Variants in KCNN3 observed in about 807,000 individuals in gnomAD.
KCNN3 encodes small conductance calcium-activated potassium channel protein 3.
KCNN3 carries 16 observed loss-of-function variants against 62.9 expected under a neutral mutation model. The ratio of observed to expected loss-of-function variants is 0.25; its 90% CI spans 0.17 to 0.39. KCNN3 has a LOEUF of 0.39. KCNN3 is among the 10% of genes least tolerant of loss of function. KCNN3 has a pLI of 1.00. For synonymous variants in KCNN3, 370 were observed against 389.2 expected (o/e 0.95, Z 0.58); for missense variants, 599 against 949.4 (o/e 0.63, Z 4.85).
At chr1:154,789,021 G>A (rs1372172972) in intron 2 of KCNN3, among the ~76,000 whole-genome samples, 2 of 152,162 alleles carry the variant, frequency 1.3e-5, no homozygotes, top group African/African-American at 4.8e-5. Context: ...AAACAACACA[G>A]ATTTATTATA....
chr1:154,781,258 T>C (rs1031393792), intron 2 of KCNN3, among the ~76,000 whole-genome samples: 2 of 152,214 alleles, frequency 1.3e-5, no homozygotes, highest in Non-Finnish European at 2.9e-5. Flanking sequence ...CACTATTTTT[T>C]ACTCACGTAG....
intron 3 of KCNN3, among the ~76,000 whole-genome samples, chr1:154,768,157 C>G (rs1408883686): frequency 6.6e-6 from 1 of 152,184 alleles, no homozygotes; most frequent in Non-Finnish European, 1.5e-5. Flanking sequence ...ATCATTAGAT[C>G]AGGCTGAGAG....
chr1:154,813,973 A>G (rs952793536), intron 2 of KCNN3, among the ~76,000 whole-genome samples: 1 of 152,248 alleles, frequency 6.6e-6, no homozygotes, highest in Non-Finnish European at 1.5e-5. Context: ...AAAATGTCAC[A>G]CAGAGACTGC....
chr1:154,794,975 G>A (rs1479437897), intron 2 of KCNN3, among the ~76,000 whole-genome samples: 1 of 152,176 alleles, frequency 6.6e-6, no homozygotes, highest in Non-Finnish European at 1.5e-5. Flanking sequence ...AATAAGGGGG[G>A]CTATTTCTTC....
intron 1 of KCNN3, among the ~76,000 whole-genome samples, chr1:154,854,681 G>T (rs1029367110): frequency 6.6e-6 from 1 of 152,142 alleles, no homozygotes; most frequent in Non-Finnish European, 1.5e-5. Flanking sequence ...CAATTATAAT[G>T]GAGCTGAAAA....
chr1:154,711,705 A>G (rs1700078322), intron 7 of KCNN3, among the ~76,000 whole-genome samples: 2 of 152,094 alleles, frequency 1.3e-5, no homozygotes, highest in African/African-American at 2.4e-5. Context: ...TTCCTGGCCA[A>G]TGCTGATTGG....
At chr1:154,866,356 A>G (rs990981011) in intron 1 of KCNN3, among the ~76,000 whole-genome samples, 2 of 152,170 alleles carry the variant, frequency 1.3e-5, no homozygotes, top group African/African-American at 4.8e-5. Flanking sequence ...CCATTTGTTG[A>G]GCAGGCAGAT....
intron 1 of KCNN3, among the ~76,000 whole-genome samples, chr1:154,855,089 G>T (rs369352540): frequency 6.6e-6 from 1 of 152,124 alleles, no homozygotes; most frequent in South Asian, 2.1e-4. Context: ...GTGATGGCAC[G>T]TGCCTATAAT....
intron 3 of KCNN3, among the ~76,000 whole-genome samples, chr1:154,741,023 A>C (rs12145386): frequency 0.17 from 26,086 of 152,120 alleles, 2,303 homozygotes; most frequent in South Asian, 0.24. Context: ...ATTAGCAGTT[A>C]TTTGGTTTTT....
chr1:154,841,961 C>T (rs1215896555), intron 1 of KCNN3, among the ~76,000 whole-genome samples: 4 of 152,142 alleles, frequency 2.6e-5, no homozygotes, highest in Non-Finnish European at 5.9e-5. Context: ...GAAACGCACG[C>T]GAGAGTGTAG....
chr1:154,803,521 A>G (rs1444070489), intron 2 of KCNN3, among the ~76,000 whole-genome samples: 2 of 152,244 alleles, frequency 1.3e-5, no homozygotes, highest in African/African-American at 4.8e-5. Context: ...TTCAAAACAC[A>G]AAAACTCACA....
chr1:154,866,494 C>T (rs1191496253), intron 1 of KCNN3, among the ~76,000 whole-genome samples: 2 of 152,098 alleles, frequency 1.3e-5, no homozygotes, highest in African/African-American at 2.4e-5. Flanking sequence ...CAACTCTGGC[C>T]CAGTTCCTTG....
Position 154,702,488 on chromosome 1 carries a change from C to T in KCNN3, c.*5488G>A, listed in dbSNP as rs1424478066. On this transcript the variant is annotated 3_prime_UTR_variant, in exon 8 of 8. Coordinates refer to ENST00000271915, the MANE Select transcript of KCNN3 (RefSeq NM_002249.6). ...TGAAAATGTTTCCTCCATTAACATC[C>T]TGTCATTCTCTTGTTGTTCTCGTGG... 6.6e-6 allele frequency: 1 copy of T among 151,068 alleles called. No individual in the cohort carries two copies. 9.4% of individuals were successfully genotyped at this position (151,068 alleles called of 1,614,324 possible).
chr1:154,857,002 T>C (rs1392715073), intron 1 of KCNN3, among the ~76,000 whole-genome samples: 3 of 152,130 alleles, frequency 2.0e-5, no homozygotes, highest in African/African-American at 7.2e-5. Flanking sequence ...CCAAGCCACA[T>C]GTGTGTGCCC....
chr1:154,830,652 C>G (rs1651345797), intron 1 of KCNN3, among the ~76,000 whole-genome samples: 1 of 152,206 alleles, frequency 6.6e-6, no homozygotes, highest in Non-Finnish European at 1.5e-5. Context: ...CCCTGGATCT[C>G]TACGTTGCCA....
At chr1:154,813,273 T>C (rs1650510010) in intron 2 of KCNN3, among the ~76,000 whole-genome samples, 2 of 151,558 alleles carry the variant, frequency 1.3e-5, no homozygotes, top group African/African-American at 4.8e-5. Context: ...GGGACTGTGA[T>C]TTTTTGTATC....
chr1:154,747,941 C>A (rs193284068), intron 3 of KCNN3, among the ~76,000 whole-genome samples: 3 of 152,166 alleles, frequency 2.0e-5, no homozygotes, highest in African/African-American at 7.2e-5. Context: ...TCACCTCCTC[C>A]GGAAAGCCGT....
At chr1:154,859,263 T>G (rs1652659072) in intron 1 of KCNN3, among the ~76,000 whole-genome samples, 1 of 152,112 alleles carries the variant, frequency 6.6e-6, no homozygotes. Flanking sequence ...AAATCAGAAA[T>G]CTCAAAAGGG....
intron 3 of KCNN3, among the ~76,000 whole-genome samples, chr1:154,754,487 C>T (rs1468172241): frequency 6.6e-6 from 1 of 152,204 alleles, no homozygotes; most frequent in Non-Finnish European, 1.5e-5. Flanking sequence ...ATAATAAAGA[C>T]TACATTTTCC....
Sources: gnomAD v4.1 joint callset for allele counts (sites outside exome capture counted in the v4.1 genomes callset) on GRCh38, gnomAD v4.1.1 for gene constraint, MANE v1.5 for transcripts, NCBI Gene and HGNC (gene_info 2026-07-23, HGNC 2026-07-21) for gene names.